The following FHOD3 variants were observed in gnomAD, a reference collection of about 807,000 sequenced individuals.
FHOD3 encodes FH1/FH2 domain-containing protein 3.
A neutral mutation model predicts 173.0 loss-of-function variants in FHOD3; 90 were observed. The ratio of observed to expected loss-of-function variants is 0.52; its 90% CI spans 0.44 to 0.62. The LOEUF (loss-of-function observed/expected upper bound fraction) is 0.62, where lower values mean the gene tolerates loss of function less well. Ranked by LOEUF, FHOD3 falls within the 20% of genes least tolerant of loss-of-function variation. The probability of loss-of-function intolerance (pLI) is 0.00; values close to 1 mark genes in which losing one functional copy is unlikely to be tolerated. For missense variants in FHOD3, 1,945 were observed against 2,034.7 expected (o/e 0.96, Z 0.85); for synonymous variants, 828 against 823.0 (o/e 1.01, Z -0.10).
intron 7 of FHOD3, among the ~76,000 whole-genome samples, chr18:36,598,956 A>G (rs1414198437): frequency 1.3e-5 from 2 of 152,226 alleles, no homozygotes; most frequent in Non-Finnish European, 2.9e-5. Context: ...ATGGTATGGT[A>G]TTAATATCAG....
intron 3 of FHOD3, among the ~76,000 whole-genome samples, chr18:36,375,006 TA>T: frequency 6.6e-6 from 1 of 152,364 alleles, no homozygotes; most frequent in Non-Finnish European, 1.5e-5. Context: ...AAGCCTTTTT[TA>T]AAATTCCATT....
intron 5 of FHOD3, among the ~76,000 whole-genome samples, chr18:36,552,039 C>T (rs746596353): frequency 6.6e-6 from 1 of 152,152 alleles, no homozygotes; most frequent in African/African-American, 2.4e-5. Flanking sequence ...TGAAGAAAGT[C>T]ATTGGTAGCT....
chr18:36,533,050 T>C (rs186902651), intron 5 of FHOD3, among the ~76,000 whole-genome samples: 6 of 152,298 alleles, frequency 3.9e-5, no homozygotes, highest in Admixed American at 3.9e-4. Flanking sequence ...CACTTGGCCC[T>C]CTGCACAATA....
chr18:36,702,854 C>T (rs2039666666), intron 17 of FHOD3, among the ~76,000 whole-genome samples: 1 of 132,454 alleles, frequency 7.5e-6, no homozygotes. Flanking sequence ...ACGCTTAATT[C>T]CAGGAATGAT....
Position 36,625,641 on chromosome 18 carries a change from G to C in FHOD3, c.1088G>C (p.Arg363Pro). 6.2e-7 allele frequency: 1 copy of C among 1,608,172 alleles called. No homozygotes were observed. Among genetic ancestry groups the C allele is most frequent in the East Asian group, 2.3e-5 (1 of 44,438 alleles). Residue 363 changes from arginine to proline, a missense_variant, in exon 10 of 29, where the codon CGC becomes CCC. Physicochemically the swap from Arg to Pro is moderately radical, Grantham distance 103. This residue lies in a region of FHOD3 where 1,099 missense variants were observed against 1,051.2 expected (regional missense o/e 1.05). Coordinates refer to ENST00000590592, the MANE Select transcript of FHOD3 (RefSeq NM_001281740.3). ...EHRGLDRRRS[R>P]RHSVQSIKST... Reference sequence around the variant, plus strand: ...CGGGGCCTGGACCGCAGAAGGAGCCGCAGGCACTCGGTGCAGAGCATCAAG... The same window carrying C: ...CGGGGCCTGGACCGCAGAAGGAGCCCCAGGCACTCGGTGCAGAGCATCAAG...
intron 3 of FHOD3, among the ~76,000 whole-genome samples, chr18:36,397,088 A>G (rs2048588533): frequency 6.6e-6 from 1 of 152,188 alleles, no homozygotes; most frequent in Admixed American, 6.5e-5. Context: ...GGCCAGTTTT[A>G]AGAATTCATA....
intron 9 of FHOD3, among the ~76,000 whole-genome samples, chr18:36,613,377 T>C: frequency 6.6e-6 from 1 of 152,222 alleles, no homozygotes; most frequent in East Asian, 1.9e-4. Flanking sequence ...GGGTTAATTT[T>C]AGGTCAAATG....
chr18:36,547,416 A>G (rs1208940481), intron 5 of FHOD3, among the ~76,000 whole-genome samples: 1 of 152,090 alleles, frequency 6.6e-6, no homozygotes, highest in Non-Finnish European at 1.5e-5. Flanking sequence ...TGTGAGGTAG[A>G]TTTGTCACAG....
At chr18:36,309,862 T>C (rs1209965130) in intron 1 of FHOD3, among the ~76,000 whole-genome samples, 1 of 152,232 alleles carries the variant, frequency 6.6e-6, no homozygotes, top group Non-Finnish European at 1.5e-5. Context: ...TGCAGTTTAC[T>C]AGGCACTGGG....
rs138336663 is a variant in FHOD3 at position 36,611,368 on chromosome 18, G to C, written c.814-584G>C. On this transcript the variant is annotated intron_variant, in intron 8 of 28. Coordinates refer to ENST00000590592, the MANE Select transcript of FHOD3 (RefSeq NM_001281740.3). The stretch of plus-strand genomic sequence containing the variant: ...ATGGCCTTAGTAGGTCCTCTGCCCA[G>C]GGTCTCACAAGGCTGCAGCCGAGGT... Among the ~76,000 whole-genome samples, 11 of 152,302 alleles carry C rather than the reference G, an allele frequency of 7.2e-5. No individual in the cohort carries two copies. In the East Asian group the frequency reaches 2.1e-3, roughly 29 times the overall value.
chr18:36,561,695 C>T (rs184654085), intron 5 of FHOD3, among the ~76,000 whole-genome samples: 11 of 151,906 alleles, frequency 7.2e-5, no homozygotes, highest in Non-Finnish European at 1.6e-4. Context: ...AATTATATAC[C>T]CATTAGGAAC....
At chr18:36,721,048 C>T (rs1373397230) in intron 19 of FHOD3, among the ~76,000 whole-genome samples, 3 of 152,122 alleles carry the variant, frequency 2.0e-5, no homozygotes, top group South Asian at 2.1e-4. Context: ...CAATTTGGTC[C>T]GTGATAATAT....
intron 5 of FHOD3, among the ~76,000 whole-genome samples, chr18:36,513,005 T>G (rs1446227462): frequency 6.6e-6 from 1 of 152,206 alleles, no homozygotes; most frequent in East Asian, 1.9e-4. Flanking sequence ...TGTTTCTGAT[T>G]CGATAGTTTT....
chr18:36,705,319 A>G (rs2039814116), intron 17 of FHOD3, among the ~76,000 whole-genome samples: 1 of 152,044 alleles, frequency 6.6e-6, no homozygotes, highest in Non-Finnish European at 1.5e-5. Flanking sequence ...CTGCATGTGC[A>G]CTTCCCTCTG....
At chr18:36,546,037 C>T (rs564884579) in intron 5 of FHOD3, among the ~76,000 whole-genome samples, 182 of 152,334 alleles carry the variant, frequency 1.2e-3, no homozygotes, top group African/African-American at 4.2e-3. Context: ...AAATCCTTCT[C>T]GAATCTGTGG....
At chr18:36,600,272 C>CACACAA (rs938888273) in intron 7 of FHOD3, among the ~76,000 whole-genome samples, 1 of 151,572 alleles carries the variant, frequency 6.6e-6, no homozygotes, top group African/African-American at 2.4e-5. Flanking sequence ...CACACACACA[C>CACACAA]ACACACACAC....
chr18:36,378,848 A>AT (rs539433253), intron 3 of FHOD3, among the ~76,000 whole-genome samples: 6 of 151,474 alleles, frequency 4.0e-5, no homozygotes, highest in Admixed American at 6.6e-5. Context: ...ATGCCCAGCT[A>AT]TTTTTTTTGT....
At chr18:36,348,304 A>G (rs1005403048) in intron 1 of FHOD3, among the ~76,000 whole-genome samples, 40 of 152,190 alleles carry the variant, frequency 2.6e-4, no homozygotes, top group Non-Finnish European at 5.9e-5. Flanking sequence ...AACTGACCAA[A>G]TGGAACATGC....
At chr18:36,720,780 CTT>C (rs2040741535) in intron 19 of FHOD3, among the ~76,000 whole-genome samples, 1 of 37,308 alleles carries the variant, frequency 2.7e-5, no homozygotes, top group Non-Finnish European at 5.5e-5. Context: ...TCCTCCTCCT[CTT>C]CCTCCTCCTC....
Sources: allele counts gnomAD v4.1 joint callset (sites outside exome capture counted in the v4.1 genomes callset), GRCh38; gene constraint gnomAD v4.1.1; regional missense constraint gnomAD v4.1.1; transcripts MANE v1.5; gene names NCBI Gene and HGNC (gene_info 2026-07-23, HGNC 2026-07-21).